Variants in MACROD2 observed in about 807,000 individuals in gnomAD.
MACROD2 encodes the protein ADP-ribose glycohydrolase MACROD2.
In MACROD2, 36 loss-of-function variants were observed where a neutral mutation model predicts 70.4. The ratio of observed to expected loss-of-function variants is 0.51; its 90% CI spans 0.39 to 0.68. The LOEUF is 0.68. Ranked by LOEUF, MACROD2 falls within the 30% of genes least tolerant of loss-of-function variation. The pLI is 0.00. For synonymous variants in MACROD2, 172 were observed against 178.8 expected, an observed-to-expected ratio of 0.96 and a Z score of 0.30; for missense variants, 496 against 538.4, an observed-to-expected ratio of 0.92 and a Z score of 0.78.
intron 5 of MACROD2, among the ~76,000 whole-genome samples, chr20:15,009,488 A>G (rs1010291117): frequency 1.3e-5 from 2 of 152,142 alleles, no homozygotes; most frequent in African/African-American, 4.8e-5. Context: ...ATCTTCTCAC[A>G]CTTGATCTTC....
intron 3 of MACROD2, among the ~76,000 whole-genome samples, chr20:14,408,292 G>A (rs2083712796): frequency 2.0e-5 from 3 of 152,106 alleles, no homozygotes; most frequent in Non-Finnish European, 2.9e-5. Context: ...TGAGAAGGAT[G>A]CAGAAGTAGA....
intron 5 of MACROD2, among the ~76,000 whole-genome samples, chr20:15,111,017 A>G (rs2075950159): frequency 6.6e-6 from 1 of 152,098 alleles, no homozygotes; most frequent in Non-Finnish European, 1.5e-5. Flanking sequence ...CATTTTACCC[A>G]TTTTTGAGAA....
intron 5 of MACROD2, among the ~76,000 whole-genome samples, chr20:14,796,014 T>A (rs758951903): frequency 1.3e-5 from 2 of 152,096 alleles, no homozygotes; most frequent in Admixed American, 6.6e-5. Context: ...GACCTTGACA[T>A]GAACAGTTCC....
intron 4 of MACROD2, among the ~76,000 whole-genome samples, chr20:14,610,435 G>T (rs1470526235): frequency 6.6e-6 from 1 of 151,924 alleles, no homozygotes; most frequent in Non-Finnish European, 1.5e-5. Context: ...TATAATGTGA[G>T]CGCTTCTAGT....
At chr20:14,498,336 G>A (rs1421459716) in intron 4 of MACROD2, among the ~76,000 whole-genome samples, 1 of 152,156 alleles carries the variant, frequency 6.6e-6, no homozygotes, top group Non-Finnish European at 1.5e-5. Context: ...ACCATGTGCT[G>A]TTATATCATA....
intron 4 of MACROD2, among the ~76,000 whole-genome samples, chr20:14,564,196 A>G (rs1051511523): frequency 4.6e-5 from 7 of 151,938 alleles, no homozygotes; most frequent in Admixed American, 4.6e-4. Context: ...AAATTAACTA[A>G]ATATGGACCA....
intron 3 of MACROD2, among the ~76,000 whole-genome samples, chr20:14,217,923 T>C (rs1456132221): frequency 6.6e-6 from 1 of 152,194 alleles, no homozygotes; most frequent in Non-Finnish European, 1.5e-5. Flanking sequence ...ATCTTGCCTT[T>C]TATGGCCTAT....
chr20:16,014,786 G>T (rs928498891), intron 15 of MACROD2, among the ~76,000 whole-genome samples: 12 of 152,080 alleles, frequency 7.9e-5, no homozygotes, highest in African/African-American at 2.7e-4. Context: ...TAAAGACCCC[G>T]CTCTCACCTC....
At chr20:14,120,030 G>T (rs1320006944) in intron 3 of MACROD2, among the ~76,000 whole-genome samples, 7 of 151,890 alleles carry the variant, frequency 4.6e-5, no homozygotes, top group Non-Finnish European at 8.8e-5. Context: ...GCAACATGGT[G>T]AAACCCCTTC....
intron 5 of MACROD2, among the ~76,000 whole-genome samples, chr20:14,911,876 G>A (rs569674048): frequency 2.2e-4 from 34 of 152,168 alleles, no homozygotes; most frequent in African/African-American, 6.5e-4. Flanking sequence ...GAGGCATGAC[G>A]AAGTCTAATT....
intron 6 of MACROD2, among the ~76,000 whole-genome samples, chr20:15,409,848 T>C (rs565722028): frequency 6.6e-6 from 1 of 152,230 alleles, no homozygotes; most frequent in East Asian, 1.9e-4. Context: ...CTGATGTACA[T>C]GGGAACAGTG....
chr20:15,028,307 G>C lies in MACROD2; in HGVS notation c.419-201633G>C, dbSNP rs190529909. 1.8e-4 allele frequency among the ~76,000 whole-genome samples: 28 copies of C among 152,292 alleles called. No homozygotes were observed. In the East Asian group the frequency reaches 4.8e-3, roughly 26 times the overall value. On this transcript the variant is annotated intron_variant, in intron 5 of 17. Coordinates refer to ENST00000684519, the MANE Select transcript of MACROD2 (RefSeq NM_001351661.2). The stretch of plus-strand genomic sequence containing the variant: ...TCCAAGGTATCACTGTAGGAGGAAG[G>C]GCAGTCAGAGGAGGGCCAGAGCTGA...
At chr20:14,766,821 C>G (rs1299158566) in intron 5 of MACROD2, among the ~76,000 whole-genome samples, 1 of 152,124 alleles carries the variant, frequency 6.6e-6, no homozygotes, top group Admixed American at 6.6e-5. Flanking sequence ...AAGGCAAGAT[C>G]TCTTTTTTCT....
intron 8 of MACROD2, among the ~76,000 whole-genome samples, chr20:15,768,171 G>T (rs115165683): frequency 1.3e-5 from 2 of 151,388 alleles, no homozygotes; most frequent in Non-Finnish European, 1.5e-5. Flanking sequence ...GTCGTGCATC[G>T]CTTAACAATG....
At chr20:15,504,804 G>T (rs532299379) in intron 8 of MACROD2, among the ~76,000 whole-genome samples, 1 of 152,322 alleles carries the variant, frequency 6.6e-6, no homozygotes, top group African/African-American at 2.4e-5. Context: ...CTTTATTACA[G>T]AAATAGGTGA....
At chr20:14,381,505 A>G (rs2083419999) in intron 3 of MACROD2, among the ~76,000 whole-genome samples, 1 of 152,186 alleles carries the variant, frequency 6.6e-6, no homozygotes, top group Non-Finnish European at 1.5e-5. Context: ...TTCAGTTGTT[A>G]TGAAAGAATA....
At chr20:15,998,148 A>G (rs2066657739) in intron 15 of MACROD2, among the ~76,000 whole-genome samples, 1 of 152,020 alleles carries the variant, frequency 6.6e-6, no homozygotes, top group Non-Finnish European at 1.5e-5. Flanking sequence ...TATTTCTTGT[A>G]GTGTTTCTAT....
chr20:14,766,073 C>T (rs886763052), intron 5 of MACROD2, among the ~76,000 whole-genome samples: 1 of 151,992 alleles, frequency 6.6e-6, no homozygotes, highest in Non-Finnish European at 1.5e-5. Flanking sequence ...TTCACATTGC[C>T]CTCACACTTA....
intron 6 of MACROD2, among the ~76,000 whole-genome samples, chr20:15,273,414 C>A (rs1386057386): frequency 2.2e-5 from 3 of 133,356 alleles, no homozygotes; most frequent in Admixed American, 2.1e-4. Context: ...CTAAACTCCC[C>A]TCCATATATA....
Sources: gnomAD v4.1 joint callset for allele counts (sites outside exome capture counted in the v4.1 genomes callset) on GRCh38, gnomAD v4.1.1 for gene constraint, MANE v1.5 for transcripts, NCBI Gene and HGNC (gene_info 2026-07-23, HGNC 2026-07-21) for gene names.